NFATC2: variants seen among roughly 807,000 people sequenced by gnomAD.
NFATC2 encodes the protein nuclear factor of activated T cells 2.
In NFATC2, 22 loss-of-function variants were observed where a neutral mutation model predicts 87.3. The ratio of observed to expected loss-of-function variants is 0.25; its 90% CI spans 0.18 to 0.36. The LOEUF is 0.36. Ranked by LOEUF, NFATC2 falls within the 10% of genes least tolerant of loss-of-function variation. The pLI is 1.00. For synonymous variants in NFATC2, 565 were observed against 542.2 expected (o/e 1.04, Z -0.58); for missense variants, 1,149 against 1,259.1 (o/e 0.91, Z 1.32).
rs553983994 is a variant in NFATC2, at chr20:51,432,166, C to A, written c.2623G>T (p.Ala875Ser). 1 of 1,603,060 alleles carries A rather than the reference C, an allele frequency of 6.2e-7. No individual in the cohort carries two copies. Among genetic ancestry groups the A allele is most frequent in the African/African-American group, 1.3e-5 (1 of 74,634 alleles). Residue 875 changes from alanine (A) to serine (S), a missense_variant, in exon 9 of 11, where the codon GCC (alanine) becomes TCC (serine). By Grantham distance (99) the Ala-to-Ser change is moderately conservative. Coordinates refer to ENST00000371564, the MANE Select transcript of NFATC2 (RefSeq NM_012340.5). This position sits in a 1 kb window ranked among gnomAD's most constrained non-coding sequence, Gnocchi z 4.6. ...TCACTGACCGGGGGTCCGTTTTTGG[C>A]GGCTCTTTGGCTCGTGGCATTCTGC... ...QQQNATSQRA[A>S]KNGPPVSDQK...
At chr20:51,437,940 C>G (rs1414957133) in intron 6 of NFATC2, among the ~76,000 whole-genome samples, 4 of 152,364 alleles carry the variant, frequency 2.6e-5, no homozygotes, top group Middle Eastern at 3.4e-3. Flanking sequence ...AGGCTAACAT[C>G]ACCCATGCCC....
At chr20:51,537,631 C>G (rs1248219176) in intron 1 of NFATC2, among the ~76,000 whole-genome samples, 1 of 152,146 alleles carries the variant, frequency 6.6e-6, no homozygotes, top group Non-Finnish European at 1.5e-5. Flanking sequence ...AGTACCCACC[C>G]GTCTCTCTCA....
chr20:51,460,971 C>G (rs1339319645), intron 5 of NFATC2, among the ~76,000 whole-genome samples: 1 of 152,240 alleles, frequency 6.6e-6, no homozygotes, highest in African/African-American at 2.4e-5. Context: ...TTCCGGGTGA[C>G]TTGTCACGCA....
intron 3 of NFATC2, among the ~76,000 whole-genome samples, chr20:51,476,695 G>C (rs1448293549): frequency 6.6e-6 from 1 of 152,154 alleles, no homozygotes; most frequent in Non-Finnish European, 1.5e-5. Flanking sequence ...TTGGCACATA[G>C]TAGGCATTCT....
At chr20:51,413,102 G>C (rs1979524816) in intron 9 of NFATC2, among the ~76,000 whole-genome samples, 1 of 150,808 alleles carries the variant, frequency 6.6e-6, no homozygotes, top group Admixed American at 6.6e-5. Context: ...CGGGTTTGCT[G>C]TCACAACAAC....
chr20:51,454,728 GAT>G (rs2146429071), intron 5 of NFATC2, 40 bp from the exon 6 acceptor site: 1 of 1,607,524 alleles, frequency 6.2e-7, no homozygotes, highest in East Asian at 2.2e-5. Context: ...GATAAGGGGA[GAT>G]GTCTGTTCAA....
rs1323604810 is a variant in NFATC2, at chr20:51,387,857, TC to T, written c.*3638del. The stretch of plus-strand genomic sequence containing the variant: ...GAGCAATAGAAAGCACTTGGAAAGG[TC>T]TTTTTTTTTTTTTTTTTTTGACATG... On this transcript the variant is annotated 3_prime_UTR_variant, in exon 11 of 11. Transcript: ENST00000371564. The T allele has an allele frequency of 2.7e-5, 3 of 111,868 alleles. No homozygotes were observed. Among genetic ancestry groups the T allele is most frequent in the Non-Finnish European group, 3.5e-5 (2 of 56,498 alleles). The allele number at this position is 111,868 out of a possible 1,614,324, so 6.9% of individuals were successfully genotyped here.
chr20:51,427,311 C>T (rs537963617), intron 9 of NFATC2, among the ~76,000 whole-genome samples: 3 of 152,286 alleles, frequency 2.0e-5, no homozygotes, highest in African/African-American at 7.2e-5. Context: ...AGTCCACTTT[C>T]CCCAGCGCCT....
intron 5 of NFATC2, among the ~76,000 whole-genome samples, chr20:51,455,940 A>G (rs1163847416): frequency 1.2e-3 from 11 of 9,362 alleles, no homozygotes; most frequent in African/African-American, 1.5e-3. Context: ...GGGTGGGTAG[A>G]TGGATGGATG....
chr20:51,526,645 A>C (rs1312989772), intron 1 of NFATC2, among the ~76,000 whole-genome samples: 2 of 152,140 alleles, frequency 1.3e-5, no homozygotes, highest in South Asian at 2.1e-4. Context: ...GGGGGACCCC[A>C]GGTGGCCACC....
At chr20:51,482,074 G>A (rs1234237309) in intron 3 of NFATC2, among the ~76,000 whole-genome samples, 1 of 152,040 alleles carries the variant, frequency 6.6e-6, no homozygotes, top group Non-Finnish European at 1.5e-5. Context: ...TGTTTCTTCT[G>A]TTGTATGGCT....
Position 51,538,035 on chromosome 20 carries a change from G to A in NFATC2, c.130+4335C>T, listed in dbSNP as rs115366482. 7.9e-3 allele frequency among the ~76,000 whole-genome samples: 1,206 copies of A among 152,300 alleles called. 20 individuals carry two copies. The highest frequency in any genetic ancestry group is 0.027 in the African/African-American group (1,142 of 41,530). ...CCACAAAGAAGCACCAGGTCCAGGCGGCTTCACAGAGGAATTCTATCACAG... is the reference window on the plus strand; with the variant it reads ...CCACAAAGAAGCACCAGGTCCAGGCAGCTTCACAGAGGAATTCTATCACAG... On this transcript the variant is annotated intron_variant, in intron 1 of 10. Transcript: ENST00000371564.
chr20:51,415,478 T>G (rs971405768), intron 9 of NFATC2, among the ~76,000 whole-genome samples: 1 of 152,124 alleles, frequency 6.6e-6, no homozygotes, highest in Non-Finnish European at 1.5e-5. Flanking sequence ...CCTGAGTAGT[T>G]GGCCACCACC....
At chr20:51,391,517 C>G in intron 10 of NFATC2, 66 bp from the exon 11 acceptor site, 1 of 1,516,040 alleles carries the variant, frequency 6.6e-7, no homozygotes, top group Non-Finnish European at 9.1e-7. Context: ...CGAAAACATG[C>G]ATCAGGTTCA....
intron 5 of NFATC2, among the ~76,000 whole-genome samples, chr20:51,466,039 A>G (rs1296567932): frequency 6.6e-6 from 1 of 152,154 alleles, no homozygotes; most frequent in Non-Finnish European, 1.5e-5. Context: ...TCAACATGCC[A>G]TTCAGGCCTC....
chr20:51,522,573 C>CTTTTT (rs10648166), intron 2 of NFATC2, among the ~76,000 whole-genome samples: 4 of 145,502 alleles, frequency 2.7e-5, no homozygotes, highest in Admixed American at 6.8e-5. Flanking sequence ...TCACATATTT[C>CTTTTT]TTTTTTTTTT....
At chr20:51,418,818 A>G (rs377736851) in intron 9 of NFATC2, among the ~76,000 whole-genome samples, 116 of 151,862 alleles carry the variant, frequency 7.6e-4, no homozygotes, top group African/African-American at 2.7e-3. Context: ...GCATGCCACC[A>G]CATCCAGCTA....
In NFATC2 at chr20:51,480,554, C is replaced by T. The variant is rs144289998; in HGVS notation, c.1333-4894G>A. 1.7e-4 allele frequency among the ~76,000 whole-genome samples: 26 copies of T among 152,282 alleles called. No homozygotes were observed. Among genetic ancestry groups the T allele is most frequent in the East Asian group, 1.9e-4 (1 of 5,172 alleles). ...CTGGCACTGGTGAGGGTCCCTTCCC[C>T]GCCTCCCCGGGTAACACCAGAAAGC... On this transcript the variant is annotated intron_variant, in intron 3 of 10. Coordinates refer to ENST00000371564, the MANE Select transcript of NFATC2 (RefSeq NM_012340.5). The surrounding 1 kb of genome is among the most constrained non-coding windows in gnomAD (Gnocchi z 4.2).
intron 4 of NFATC2, among the ~76,000 whole-genome samples, chr20:51,475,205 G>A (rs1322952264): frequency 6.6e-6 from 1 of 152,102 alleles, no homozygotes; most frequent in Non-Finnish European, 1.5e-5. Flanking sequence ...CTGATCTCAA[G>A]TGATCCACCC....
Sources: gnomAD v4.1 joint callset for allele counts (sites outside exome capture counted in the v4.1 genomes callset) on GRCh38, gnomAD v4.1.1 for gene constraint, Gnocchi (gnomAD v3.1) non-coding constraint, MANE v1.5 for transcripts, NCBI Gene and HGNC (gene_info 2026-07-23, HGNC 2026-07-21) for gene names.